The following TRAF1 variants were observed in gnomAD, a reference collection of about 807,000 sequenced individuals.
The protein encoded by TRAF1 is TNF receptor-associated factor 1.
Under a neutral mutation model 40.9 loss-of-function variants are expected in TRAF1, and 23 were observed. The ratio of observed to expected loss-of-function variants is 0.56; its 90% CI spans 0.40 to 0.80. TRAF1 has a LOEUF of 0.80. Among genes scored for constraint, TRAF1 ranks in the 30% least tolerant of loss-of-function variants. TRAF1 has a pLI of 0.00. For missense variants in TRAF1, 477 were observed against 528.7 expected, an observed-to-expected ratio of 0.90 and a Z score of 0.96; for synonymous variants, 206 against 218.8, an observed-to-expected ratio of 0.94 and a Z score of 0.52.
upstream of TRAF1, chr9:120,926,868 A>C (rs1036845155): frequency 6.6e-6 from 1 of 152,188 alleles, no homozygotes; most frequent in Non-Finnish European, 1.5e-5. Flanking sequence ...AGGTGGCTAC[A>C]TGCTCCGGTC....
At chr9:120,925,024 C>A (rs532721071) in intron 2 of TRAF1, among the ~76,000 whole-genome samples, 15 of 152,256 alleles carry the variant, frequency 9.9e-5, no homozygotes, top group Non-Finnish European at 2.1e-4. Flanking sequence ...ACCTCTGCTC[C>A]TCCACCTCCT....
Position 120,905,158 on chromosome 9 carries a change from G to A in TRAF1, c.1113C>T (p.Phe371=). The A allele has an allele frequency of 1.2e-6, 2 of 1,614,218 alleles. No homozygotes were observed. Among genetic ancestry groups the A allele is most frequent in the South Asian group, 1.1e-5 (1 of 91,076 alleles). The change falls in exon 8 of 8, where the codon TTC becomes TTT. Residue 371 remains phenylalanine (F), a synonymous_variant. Coordinates refer to ENST00000373887, the MANE Select transcript of TRAF1 (RefSeq NM_005658.5). ...CGTTGGTTTCACTCTGGGGCCTCTG[G>A]AAGGACGCTGAGCTTAGGTCAGGCC... ...AFRPDLSSAS[F]QRPQSETNVA... is the part of the protein sequence containing the mutation.
chr9:120,928,680 G>C (rs2046656132), upstream of TRAF1: 2 of 152,198 alleles, frequency 1.3e-5, no homozygotes, highest in Admixed American at 1.3e-4. Context: ...CCACTCCCAC[G>C]GGAAGTCTCC....
intron 7 of TRAF1, among the ~76,000 whole-genome samples, chr9:120,907,568 C>T (rs546950072): frequency 5.9e-5 from 9 of 152,278 alleles, no homozygotes; most frequent in Admixed American, 2.0e-4. Context: ...TCAAAGTGGC[C>T]GTACCATTTT....
chr9:120,906,462 C>T (rs920128861), intron 7 of TRAF1, among the ~76,000 whole-genome samples: 1 of 152,026 alleles, frequency 6.6e-6, no homozygotes, highest in Admixed American at 6.5e-5. Context: ...TACAGGCGTG[C>T]GCCACCATAC....
At chr9:120,906,723 G>A (rs150157486) in intron 7 of TRAF1, among the ~76,000 whole-genome samples, 18 of 152,256 alleles carry the variant, frequency 1.2e-4, no homozygotes, top group African/African-American at 4.1e-4. Context: ...TATGGGTTTT[G>A]ACAAATGCAT....
At chr9:120,914,703 C>T (rs1450764567) in intron 3 of TRAF1, 1 of 430,026 alleles carries the variant, frequency 2.3e-6, no homozygotes, top group Non-Finnish European at 3.1e-6. Context: ...TAAATGCCTC[C>T]CTCCTCCTGA....
In TRAF1 at chr9:120,904,708, T is replaced by G. The variant is rs2046465583; in HGVS notation, c.*312A>C. 1 of 365,870 alleles carries G rather than the reference T, an allele frequency of 2.7e-6. No homozygotes were observed. The highest frequency in any genetic ancestry group is 2.1e-5 in the African/African-American group (1 of 48,602). The allele number at this position is 365,870 out of a possible 1,614,324, so 22.7% of individuals were successfully genotyped here. A position where few individuals can be genotyped will look rare whatever the true frequency, so the allele number is the denominator to read the frequency against. ...CGGTTCCAAGCCTGGTTCCATTTTC[T>G]TCTCATTTGGTGAGAGTCCACCTCA... is the stretch of plus-strand genomic sequence containing the variant. On this transcript the variant is annotated 3_prime_UTR_variant, in exon 8 of 8. Coordinates refer to ENST00000373887, the MANE Select transcript of TRAF1 (RefSeq NM_005658.5).
chr9:120,908,313 A>C (rs1335863714), intron 7 of TRAF1, among the ~76,000 whole-genome samples: 1 of 152,194 alleles, frequency 6.6e-6, no homozygotes, highest in Non-Finnish European at 1.5e-5. Context: ...TTAATCATAC[A>C]CTAAACGTCT....
intron 3 of TRAF1, among the ~76,000 whole-genome samples, chr9:120,919,241 G>A (rs1198422693): frequency 6.6e-6 from 1 of 152,180 alleles, no homozygotes; most frequent in Non-Finnish European, 1.5e-5. Context: ...AGTGTGCAGT[G>A]GAATTTCCTC....
intron 3 of TRAF1, among the ~76,000 whole-genome samples, chr9:120,921,336 G>A (rs1406805630): frequency 1.3e-5 from 2 of 151,964 alleles, no homozygotes; most frequent in Non-Finnish European, 2.9e-5. Context: ...TTAACAGGTC[G>A]GGGCTCCAGG....
At chr9:120,925,311 A>G (rs1482350288) in intron 2 of TRAF1, among the ~76,000 whole-genome samples, 1 of 152,252 alleles carries the variant, frequency 6.6e-6, no homozygotes, top group Non-Finnish European at 1.5e-5. Flanking sequence ...CCAAGGGCAG[A>G]GCATTTGGCA....
In TRAF1 at chr9:120,904,867, G is replaced by A. The variant is rs1012394793; in HGVS notation, c.*153C>T. ...CCACGTCCTGCCATCCTAACCAGAT[G>A]GCCAGCCCGAAGTCGACCCCTCAGT... is the stretch of plus-strand genomic sequence containing the variant. On this transcript the variant is annotated 3_prime_UTR_variant, in exon 8 of 8. Transcript: ENST00000373887. 1.5e-5 allele frequency: 12 copies of A among 775,264 alleles called. No individual in the cohort carries two copies. The highest frequency in any genetic ancestry group is 3.6e-5 in the South Asian group (2 of 55,136). 48.0% of individuals were successfully genotyped at this position (775,264 alleles called of 1,614,324 possible). A position where few individuals can be genotyped will look rare whatever the true frequency, so the allele number is the denominator to read the frequency against.
rs567633498 is a variant in TRAF1 at position 120,919,403 on chromosome 9, G to A, written c.228+4302C>T. ...TGGTGGGGTCACAGTGGGCCCTAGCGGGGGGCCCCATTCTGAGACCTGGGG... is the reference window on the plus strand; with the variant it reads ...TGGTGGGGTCACAGTGGGCCCTAGCAGGGGGCCCCATTCTGAGACCTGGGG... On this transcript the variant is annotated intron_variant, in intron 3 of 7. Coordinates refer to ENST00000373887, the MANE Select transcript of TRAF1 (RefSeq NM_005658.5). Among the ~76,000 whole-genome samples the A allele has an allele frequency of 7.2e-3, 1,099 of 152,274 alleles. 11 individuals carry two copies. Among genetic ancestry groups the A allele is most frequent in the Non-Finnish European group, 9.1e-3 (622 of 68,018 alleles).
At position 120,922,112 on chromosome 9, in the gene TRAF1, G is replaced by A. The variant is rs575160265; in HGVS notation, c.228+1593C>T. Reference sequence around the variant, plus strand: ...GAGGGCTTTGGCTGAAAGGAGCCAGGCACTTCCCAGTGGAGGTAGAGAGGG... The same window carrying A: ...GAGGGCTTTGGCTGAAAGGAGCCAGACACTTCCCAGTGGAGGTAGAGAGGG... On this transcript the variant is annotated intron_variant, in intron 3 of 7. Coordinates refer to ENST00000373887, the MANE Select transcript of TRAF1 (RefSeq NM_005658.5). Among the ~76,000 whole-genome samples, 7 of 152,334 alleles carry A rather than the reference G, an allele frequency of 4.6e-5. No homozygotes were observed. The South Asian group carries it at 1.5e-3, about 32-fold the overall frequency.
Position 120,904,864 on chromosome 9 carries a change from G to C in TRAF1, c.*156C>G. 1 of 768,084 alleles carries C rather than the reference G, an allele frequency of 1.3e-6. No individual in the cohort carries two copies. The highest frequency in any genetic ancestry group is 2.1e-6 in the Non-Finnish European group (1 of 484,114). 47.6% of individuals were successfully genotyped at this position (768,084 alleles called of 1,614,324 possible). ...AGCCCACGTCCTGCCATCCTAACCA[G>C]ATGGCCAGCCCGAAGTCGACCCCTC... is the stretch of plus-strand genomic sequence containing the variant. On this transcript the variant is annotated 3_prime_UTR_variant, in exon 8 of 8. Transcript: ENST00000373887.
At chr9:120,919,590 C>T (rs1167336960) in intron 3 of TRAF1, among the ~76,000 whole-genome samples, 2 of 152,214 alleles carry the variant, frequency 1.3e-5, no homozygotes, top group Non-Finnish European at 2.9e-5. Context: ...CAGGTCTCAG[C>T]TGGTGCTGAG....
At position 120,913,123 on chromosome 9, in the gene TRAF1, C is replaced by T. The variant is rs150516589; in HGVS notation, c.705+205G>A. Among the ~76,000 whole-genome samples the T allele has an allele frequency of 8.5e-5, 13 of 152,258 alleles. No individual in the cohort carries two copies. In the East Asian group the frequency reaches 9.6e-4, roughly 11 times the overall value. ...ATCACAAAAGTTCAAGCAAAGGAACCGAAGCACTGGATGGGAGGTTATGAC... is the reference window on the plus strand; with the variant it reads ...ATCACAAAAGTTCAAGCAAAGGAACTGAAGCACTGGATGGGAGGTTATGAC... On this transcript the variant is annotated intron_variant, in intron 5 of 7. Coordinates refer to ENST00000373887, the MANE Select transcript of TRAF1 (RefSeq NM_005658.5).
intron 3 of TRAF1, among the ~76,000 whole-genome samples, chr9:120,920,790 T>C (rs777108074): frequency 9.9e-5 from 15 of 152,214 alleles, no homozygotes; most frequent in Admixed American, 1.3e-4. Context: ...GCAGATGGCA[T>C]GGGAAGTGTT....
Sources: gnomAD v4.1 joint callset for allele counts (sites outside exome capture counted in the v4.1 genomes callset) on GRCh38, gnomAD v4.1.1 for gene constraint, MANE v1.5 for transcripts, NCBI Gene and HGNC (gene_info 2026-07-23, HGNC 2026-07-21) for gene names.